Variants in CSMD1 observed in about 807,000 individuals in gnomAD.
The protein encoded by CSMD1 is CUB and Sushi multiple domains 1.
Under a neutral mutation model 417.5 loss-of-function variants are expected in CSMD1, and 213 were observed. The observed-to-expected ratio is 0.51, with a 90% confidence interval of 0.46 to 0.57. CSMD1 has a LOEUF of 0.57. CSMD1 is among the 20% of genes least tolerant of loss of function. The pLI is 0.00. For synonymous variants in CSMD1, 2,862 were observed against 1,736.8 expected (o/e 1.65, Z -16.11); for missense variants, 6,923 against 4,529.7 (o/e 1.53, Z -15.17).
chr8:4,439,317 A>T (rs1348674902), intron 2 of CSMD1, among the ~76,000 whole-genome samples: 1 of 152,194 alleles, frequency 6.6e-6, no homozygotes, highest in Non-Finnish European at 1.5e-5. Context: ...CTTGGTAATC[A>T]ATACGTTAAA....
Position 4,862,799 on chromosome 8 carries a change from A to G in CSMD1, c.85+131533T>C, listed in dbSNP as rs139584085. On this transcript the variant is annotated intron_variant, in intron 1 of 69. Coordinates refer to ENST00000635120, the MANE Select transcript of CSMD1 (RefSeq NM_033225.6). The stretch of plus-strand genomic sequence containing the variant: ...GAATCATGAAATCCGGTGACAGCCT[A>G]AAGGGATTTGGGGTAGCTAGAAAGT... 2.6e-5 allele frequency among the ~76,000 whole-genome samples: 4 copies of G among 152,140 alleles called. No individual in the cohort carries two copies. In the South Asian group the frequency reaches 6.2e-4, roughly 24 times the overall value.
At chr8:3,426,264 T>C (rs369705037) in intron 12 of CSMD1, among the ~76,000 whole-genome samples, 40 of 152,302 alleles carry the variant, frequency 2.6e-4, no homozygotes, top group African/African-American at 8.2e-4. Flanking sequence ...ATCCTGCACA[T>C]CACATGAGTT....
chr8:3,112,156 T>G (rs1393749271), intron 42 of CSMD1, among the ~76,000 whole-genome samples: 1 of 150,850 alleles, frequency 6.6e-6, no homozygotes, highest in Admixed American at 6.6e-5. Flanking sequence ...CTTTCAAGAG[T>G]CCCTACTGTC....
At chr8:3,007,110 A>C (rs1391824201) in intron 52 of CSMD1, among the ~76,000 whole-genome samples, 2 of 146,724 alleles carry the variant, frequency 1.4e-5, no homozygotes, top group Admixed American at 1.3e-4. Context: ...AAAAGTGGGC[A>C]AAGGACATGA....
At chr8:3,838,344 TG>T (rs1377813905) in intron 5 of CSMD1, among the ~76,000 whole-genome samples, 1 of 151,812 alleles carries the variant, frequency 6.6e-6, no homozygotes, top group Non-Finnish European at 1.5e-5. Flanking sequence ...CAGACCAGCC[TG>T]GGTGATGTCG....
intron 11 of CSMD1, among the ~76,000 whole-genome samples, chr8:3,491,846 C>T (rs1270382532): frequency 6.6e-6 from 1 of 152,172 alleles, no homozygotes; most frequent in Non-Finnish European, 1.5e-5. Context: ...CCACACCACC[C>T]GGCGGGTACC....
intron 5 of CSMD1, among the ~76,000 whole-genome samples, chr8:3,986,315 A>C (rs1227375755): frequency 6.6e-6 from 1 of 152,122 alleles, no homozygotes; most frequent in African/African-American, 2.4e-5. Context: ...AGCTCAGTGA[A>C]AACCCTTCTA....
At chr8:4,166,803 T>C (rs117154839) in intron 3 of CSMD1, among the ~76,000 whole-genome samples, 1,874 of 152,306 alleles carry the variant, frequency 0.012, 19 homozygotes, top group Non-Finnish European at 0.018. Context: ...AGGGTGTGTT[T>C]AATGAGACAA....
chr8:3,936,857 AG>A (rs1810533865), intron 5 of CSMD1, among the ~76,000 whole-genome samples: 1 of 152,200 alleles, frequency 6.6e-6, no homozygotes, highest in Non-Finnish European at 1.5e-5. Flanking sequence ...TGATGGATCT[AG>A]CTAGACAAGG....
At chr8:3,429,930 T>C (rs926294672) in intron 12 of CSMD1, among the ~76,000 whole-genome samples, 3 of 152,332 alleles carry the variant, frequency 2.0e-5, no homozygotes, top group South Asian at 4.1e-4. Flanking sequence ...TGTCTATTTC[T>C]TATATTTGTC....
intron 3 of CSMD1, among the ~76,000 whole-genome samples, chr8:4,268,796 G>A (rs534647849): frequency 1.6e-3 from 249 of 151,098 alleles, no homozygotes; most frequent in Non-Finnish European, 2.8e-3. Context: ...ACATCACAAA[G>A]GACATTATAA....
intron 3 of CSMD1, among the ~76,000 whole-genome samples, chr8:4,216,933 C>A (rs1800713309): frequency 6.6e-6 from 1 of 152,154 alleles, no homozygotes; most frequent in African/African-American, 2.4e-5. Context: ...AAGCCAACAG[C>A]TCCAACAAAC....
chr8:3,126,127 T>A (rs1585414589), intron 41 of CSMD1, among the ~76,000 whole-genome samples: 1 of 152,148 alleles, frequency 6.6e-6, no homozygotes, highest in Non-Finnish European at 1.5e-5. Flanking sequence ...TACGGGGACT[T>A]GAACATTCCA....
At chr8:3,988,879 C>G (rs1032465549) in intron 5 of CSMD1, among the ~76,000 whole-genome samples, 2 of 152,086 alleles carry the variant, frequency 1.3e-5, no homozygotes, top group African/African-American at 2.4e-5. Flanking sequence ...TATTGTCACA[C>G]AATTCATAAC....
intron 1 of CSMD1, among the ~76,000 whole-genome samples, chr8:4,730,592 T>C (rs1316257737): frequency 6.6e-6 from 1 of 151,716 alleles, no homozygotes; most frequent in Non-Finnish European, 1.5e-5. Flanking sequence ...TACAAAAAAA[T>C]TAGCCGGGCG....
chr8:3,279,932 A>C (rs1802601528), intron 26 of CSMD1, among the ~76,000 whole-genome samples: 1 of 152,212 alleles, frequency 6.6e-6, no homozygotes, highest in African/African-American at 2.4e-5. Flanking sequence ...TTACAATTCA[A>C]GGTGAGATTT....
At chr8:4,148,469 G>A (rs534075266) in intron 3 of CSMD1, among the ~76,000 whole-genome samples, 1 of 152,078 alleles carries the variant, frequency 6.6e-6, no homozygotes, top group East Asian at 1.9e-4. Flanking sequence ...GTATACATAT[G>A]TAACGAACCT....
chr8:4,233,906 C>G (rs183464364), intron 3 of CSMD1, among the ~76,000 whole-genome samples: 179 of 151,782 alleles, frequency 1.2e-3, no homozygotes, highest in African/African-American at 4.0e-3. Context: ...CTTGGATGAA[C>G]CAATGTCACC....
At chr8:4,908,149 G>C (rs866240188) in intron 1 of CSMD1, among the ~76,000 whole-genome samples, 2 of 152,100 alleles carry the variant, frequency 1.3e-5, no homozygotes, top group Non-Finnish European at 2.9e-5. Context: ...CTAGGTAGTT[G>C]TATTTTTCCT....
Sources: allele counts gnomAD v4.1 joint callset (sites outside exome capture counted in the v4.1 genomes callset), GRCh38; gene constraint gnomAD v4.1.1; transcripts MANE v1.5; gene names NCBI Gene and HGNC (gene_info 2026-07-23, HGNC 2026-07-21).